The following RNF185 variants were observed in gnomAD, a reference collection of about 807,000 sequenced individuals.
RNF185 encodes the protein ring finger protein 185.
In RNF185, 13 loss-of-function variants were observed where a neutral mutation model predicts 24.9. The observed-to-expected ratio is 0.52, with a 90% CI of 0.34 to 0.83. The LOEUF (loss-of-function observed/expected upper bound fraction) is 0.83, where lower values mean the gene tolerates loss of function less well. Among genes scored for constraint, RNF185 ranks in the 40% least tolerant of loss-of-function variants. The pLI, the probability that RNF185 is intolerant of heterozygous loss-of-function variation, is 0.01. For missense variants in RNF185, 184 were observed against 244.7 expected (o/e 0.75, Z 1.65); for synonymous variants, 79 against 90.3 (o/e 0.88, Z 0.71).
intron 5 of RNF185, 94 bp downstream of exon 5, chr22:31,197,084 G>C: frequency 6.5e-7 from 1 of 1,543,564 alleles, no homozygotes; most frequent in Middle Eastern, 1.7e-4. Flanking sequence ...GATTATAAAA[G>C]TAAAGGAAAA....
intron 1 of RNF185, among the ~76,000 whole-genome samples, chr22:31,167,709 G>A (rs893634804): frequency 6.6e-6 from 1 of 150,844 alleles, no homozygotes; most frequent in Non-Finnish European, 1.5e-5. Flanking sequence ...CGCATCCTGG[G>A]TTCAAGCAAT....
intron 1 of RNF185, among the ~76,000 whole-genome samples, chr22:31,172,108 T>G (rs2047936403): frequency 6.6e-6 from 1 of 152,222 alleles, no homozygotes; most frequent in Non-Finnish European, 1.5e-5. Flanking sequence ...ATCTTAGAGG[T>G]CTTTAGCTCA....
At chr22:31,199,871 A>C (rs768873894) in intron 5 of RNF185, among the ~76,000 whole-genome samples, 1 of 152,240 alleles carries the variant, frequency 6.6e-6, no homozygotes, top group African/African-American at 2.4e-5. Flanking sequence ...CAGGCTGATC[A>C]GTGTGTGATG....
chr22:31,200,052 C>T (rs951831064), intron 5 of RNF185, among the ~76,000 whole-genome samples: 2 of 152,088 alleles, frequency 1.3e-5, no homozygotes, highest in Admixed American at 1.3e-4. Flanking sequence ...TTGAAAGATG[C>T]GCACAGTAAT....
At chr22:31,204,046 A>AG (rs1164417029) in intron 6 of RNF185, among the ~76,000 whole-genome samples, 5 of 111,230 alleles carry the variant, frequency 4.5e-5, no homozygotes, top group African/African-American at 1.4e-4. Context: ...CACCTCAAAA[A>AG]GAAAAAAAAA....
intron 1 of RNF185, among the ~76,000 whole-genome samples, chr22:31,162,455 G>A (rs1350339075): frequency 6.6e-6 from 1 of 152,054 alleles, no homozygotes; most frequent in Non-Finnish European, 1.5e-5. Context: ...AGGATTTGAT[G>A]CTAATAATAA....
chr22:31,200,658 C>T (rs2048252696), intron 5 of RNF185, among the ~76,000 whole-genome samples: 1 of 152,126 alleles, frequency 6.6e-6, no homozygotes, highest in African/African-American at 2.4e-5. Flanking sequence ...GGAAAGAAAA[C>T]TGAGGGTGAT....
At chr22:31,201,300 C>T (rs1485127001) in intron 5 of RNF185, among the ~76,000 whole-genome samples, 198 bp from the exon 6 acceptor site, 1 of 152,248 alleles carries the variant, frequency 6.6e-6, no homozygotes, top group Non-Finnish European at 1.5e-5. Context: ...GCTAAAAGGG[C>T]AGAGGGCTTG....
chr22:31,164,077 G>T (rs910034157), intron 1 of RNF185, among the ~76,000 whole-genome samples: 1 of 151,860 alleles, frequency 6.6e-6, no homozygotes, highest in African/African-American at 2.4e-5. Context: ...TGCCTCCCAG[G>T]TTCAAGCGAT....
At chr22:31,177,737 C>T (rs921272934) in intron 1 of RNF185, among the ~76,000 whole-genome samples, 1 of 152,212 alleles carries the variant, frequency 6.6e-6, no homozygotes, top group African/African-American at 2.4e-5. Context: ...TGTTATTTAT[C>T]ACCCAAATTC....
intron 1 of RNF185, among the ~76,000 whole-genome samples, chr22:31,162,397 A>G (rs1022979162): frequency 6.6e-6 from 1 of 152,198 alleles, no homozygotes; most frequent in Non-Finnish European, 1.5e-5. Flanking sequence ...TGACATTCTC[A>G]TAAGTATGTT....
chr22:31,201,970 C>T (rs759123209), intron 6 of RNF185, among the ~76,000 whole-genome samples: 24 of 152,160 alleles, frequency 1.6e-4, no homozygotes, highest in Middle Eastern at 3.2e-3. Flanking sequence ...AAGTGATACT[C>T]AGCTGAGGAA....
chr22:31,165,631 A>G (rs1923873783), intron 1 of RNF185, among the ~76,000 whole-genome samples: 1 of 152,246 alleles, frequency 6.6e-6, no homozygotes, highest in Admixed American at 6.5e-5. Flanking sequence ...CTGACCATGC[A>G]GAGCTTGACT....
intron 1 of RNF185, among the ~76,000 whole-genome samples, chr22:31,180,769 A>T (rs974528413): frequency 5.3e-5 from 8 of 152,192 alleles, no homozygotes; most frequent in Non-Finnish European, 1.2e-4. Flanking sequence ...CCTTTTTAAA[A>T]ATGTTCTTGT....
At chr22:31,185,193 T>C (rs894306403) in intron 1 of RNF185, among the ~76,000 whole-genome samples, 1 of 152,058 alleles carries the variant, frequency 6.6e-6, no homozygotes, top group African/African-American at 2.4e-5. Context: ...AGCATCCAGC[T>C]ACCCTTCTGG....
chr22:31,182,242 T>A (rs878888218), intron 1 of RNF185, among the ~76,000 whole-genome samples: 3 of 151,790 alleles, frequency 2.0e-5, no homozygotes, highest in African/African-American at 7.3e-5. Flanking sequence ...CTCCTGACTG[T>A]CTGGGGCTAC....
intron 1 of RNF185, among the ~76,000 whole-genome samples, chr22:31,186,461 G>A (rs548797824): frequency 4.6e-5 from 7 of 151,918 alleles, no homozygotes; most frequent in Non-Finnish European, 8.8e-5. Flanking sequence ...AATTAGCCAG[G>A]TGTGGTGGCA....
At chr22:31,167,284 C>T (rs990777945) in intron 1 of RNF185, among the ~76,000 whole-genome samples, 1 of 152,154 alleles carries the variant, frequency 6.6e-6, no homozygotes, top group African/African-American at 2.4e-5. Flanking sequence ...CCTCTTGCCT[C>T]AGCCCCCTAA....
intron 1 of RNF185, among the ~76,000 whole-genome samples, chr22:31,178,501 A>C (rs542304602): frequency 6.6e-6 from 1 of 152,304 alleles, no homozygotes; most frequent in African/African-American, 2.4e-5. Context: ...TCCTATTTAA[A>C]TCTCTGAAGG....
Sources: gnomAD v4.1 joint callset for allele counts (sites outside exome capture counted in the v4.1 genomes callset) on GRCh38, gnomAD v4.1.1 for gene constraint, MANE v1.5 for transcripts, NCBI Gene and HGNC (gene_info 2026-07-23, HGNC 2026-07-21) for gene names.